Variants in NRG1 observed in about 807,000 individuals in gnomAD.
NRG1 encodes pro-neuregulin-1, membrane-bound isoform.
In NRG1, 18 loss-of-function variants were observed where a neutral mutation model predicts 63.8. That is an observed-to-expected ratio of 0.28 (90% CI 0.19 to 0.42). The LOEUF (loss-of-function observed/expected upper bound fraction) is 0.42. NRG1 is among the 10% of genes least tolerant of loss of function. The pLI, the probability that NRG1 is intolerant of heterozygous loss-of-function variation, is 1.00. For synonymous variants in NRG1, 302 were observed against 301.3 expected (o/e 1.00, Z -0.02); for missense variants, 762 against 814.7 (o/e 0.94, Z 0.79).
At chr8:32,502,159 AG>A (rs1489894846) in intron 1 of NRG1, among the ~76,000 whole-genome samples, 2 of 152,024 alleles carry the variant, frequency 1.3e-5, no homozygotes, top group Non-Finnish European at 2.9e-5. Flanking sequence ...GCTTCTTGGG[AG>A]GCATCGGGAA....
chr8:31,979,446 G>A (rs327422), intron 1 of NRG1, among the ~76,000 whole-genome samples: 3,900 of 151,982 alleles, frequency 0.026, 164 homozygotes, highest in African/African-American at 0.089. Context: ...TGTCTGCCTC[G>A]TCAAATTCTT....
chr8:31,845,706 T>C (rs1771329451), intron 1 of NRG1, among the ~76,000 whole-genome samples: 2 of 152,202 alleles, frequency 1.3e-5, no homozygotes, highest in Admixed American at 6.5e-5. Context: ...GAGGGCAAGT[T>C]AGCATGTGTT....
At position 32,685,867 on chromosome 8, in the gene NRG1, G is replaced by A. The variant is rs114139632; in HGVS notation, c.503-42082G>A. ...CCACAGAAATGGAATCTTCCAGCTT[G>A]AGAACCTGAAGAAAGTGACTCACAC... is the stretch of plus-strand genomic sequence containing the variant. On this transcript the variant is annotated intron_variant, in intron 5 of 11. Transcript: ENST00000356819. Among the ~76,000 whole-genome samples, 770 of 152,296 alleles carry A rather than the reference G, an allele frequency of 5.1e-3. 5 individuals carry two copies. The highest frequency in any genetic ancestry group is 0.018 in the African/African-American group (745 of 41,562).
rs199700393 is a variant in NRG1, at chr8:32,258,140, CT to C, written c.38-337686del. Among the ~76,000 whole-genome samples the C allele has an allele frequency of 7.3e-3, 1,116 of 152,236 alleles. 12 individuals carry two copies. Among genetic ancestry groups the C allele is most frequent in the Non-Finnish European group, 0.01 (710 of 68,000 alleles). On this transcript the variant is annotated intron_variant, in intron 1 of 10. Transcript: ENST00000519301. ...TTAAGACACAAAGCCAAATTTTCAC[CT>C]TCATTTATGCACACTCATCTCCTGA...
At position 32,415,439 on chromosome 8, in the gene NRG1, G is replaced by A. The variant is rs117155272; in HGVS notation, c.38-180389G>A. 6.6e-3 allele frequency among the ~76,000 whole-genome samples: 981 copies of A among 149,738 alleles called. 7 individuals are homozygous for A. The highest frequency in any genetic ancestry group is 0.018 in the African/African-American group (752 of 40,804). On this transcript the variant is annotated intron_variant, in intron 1 of 10. Coordinates refer to the NRG1 transcript ENST00000519301. The stretch of plus-strand genomic sequence containing the variant: ...AAGAGTTTGCAAAAAAAAAAAATGC[G>A]GCAATCACAATACATTTATGTCTAT...
intron 1 of NRG1, among the ~76,000 whole-genome samples, chr8:32,232,833 T>C (rs1200197610): frequency 2.0e-5 from 3 of 152,180 alleles, no homozygotes; most frequent in Non-Finnish European, 4.4e-5. Flanking sequence ...TCTTCTGTAC[T>C]TTTTTCCCCA....
intron 1 of NRG1, among the ~76,000 whole-genome samples, chr8:31,957,014 G>GA (rs796922550): frequency 6.6e-6 from 1 of 151,222 alleles, no homozygotes; most frequent in Admixed American, 6.6e-5. Context: ...AATAGAGGGG[G>GA]AAAAAAAACC....
chr8:32,394,122 G>A (rs183977867), intron 1 of NRG1, among the ~76,000 whole-genome samples: 41 of 152,156 alleles, frequency 2.7e-4, no homozygotes, highest in African/African-American at 9.4e-4. Flanking sequence ...AACACAGTGA[G>A]CACTTAATAG....
chr8:32,145,808 G>A (rs980116124), intron 1 of NRG1, among the ~76,000 whole-genome samples: 3 of 152,286 alleles, frequency 2.0e-5, no homozygotes, highest in Admixed American at 2.0e-4. Flanking sequence ...TGTGTTTTCT[G>A]ATGCCCTGTT....
At chr8:32,252,058 T>G (rs1849178235) in intron 1 of NRG1, among the ~76,000 whole-genome samples, 1 of 152,216 alleles carries the variant, frequency 6.6e-6, no homozygotes, top group Non-Finnish European at 1.5e-5. Flanking sequence ...TTTTTTCTTG[T>G]AAATTTGTTT....
chr8:31,639,529 T>G, intron 1 of NRG1: 2 of 1,492,524 alleles, frequency 1.3e-6, no homozygotes, highest in Non-Finnish European at 1.8e-6. Flanking sequence ...TCCCTCGCGC[T>G]CTCTCCCAGC....
At chr8:31,994,801 T>TA (rs201819090) in intron 1 of NRG1, among the ~76,000 whole-genome samples, 1,632 of 151,566 alleles carry the variant, frequency 0.011, 4 homozygotes, top group Non-Finnish European at 0.016. Context: ...TTCTTTTGGG[T>TA]AAAAAAAATG....
At chr8:32,620,725 G>A (rs1848196328) in intron 5 of NRG1, among the ~76,000 whole-genome samples, 1 of 151,956 alleles carries the variant, frequency 6.6e-6, no homozygotes, top group African/African-American at 2.4e-5. Context: ...GGGAGGCTGA[G>A]GTGGGAGGAT....
intron 1 of NRG1, among the ~76,000 whole-genome samples, chr8:32,306,472 G>A (rs1856194748): frequency 6.6e-6 from 1 of 152,148 alleles, no homozygotes; most frequent in South Asian, 2.1e-4. Context: ...TACCAGCTGG[G>A]TATCAACTGC....
intron 1 of NRG1, among the ~76,000 whole-genome samples, chr8:32,331,322 C>T (rs1802619697): frequency 6.9e-6 from 1 of 145,384 alleles, no homozygotes; most frequent in Non-Finnish European, 1.5e-5. Context: ...AGTTCCAGAC[C>T]AGCCTGGGCA....
At chr8:31,718,940 T>C (rs1235383670) in intron 1 of NRG1, among the ~76,000 whole-genome samples, 1 of 152,206 alleles carries the variant, frequency 6.6e-6, no homozygotes, top group Non-Finnish European at 1.5e-5. Context: ...TGTATGTATG[T>C]ATATGTGTAT....
chr8:31,750,063 G>C (rs1816297534), intron 1 of NRG1, among the ~76,000 whole-genome samples: 1 of 151,762 alleles, frequency 6.6e-6, no homozygotes, highest in African/African-American at 2.4e-5. Context: ...TTTCTTTCCT[G>C]AAGGTCAACC....
At chr8:32,177,614 A>G (rs997300392) in intron 1 of NRG1, among the ~76,000 whole-genome samples, 14 of 151,108 alleles carry the variant, frequency 9.3e-5, no homozygotes, top group Admixed American at 2.0e-4. Flanking sequence ...TCATTGTTCA[A>G]CTCCCACTTA....
chr8:32,262,646 C>T (rs927848652), intron 1 of NRG1, among the ~76,000 whole-genome samples: 38 of 152,162 alleles, frequency 2.5e-4, no homozygotes, highest in African/African-American at 9.2e-4. Flanking sequence ...AGTTTATTAC[C>T]TTAAGTTTAA....
Sources: allele counts gnomAD v4.1 joint callset (sites outside exome capture counted in the v4.1 genomes callset), GRCh38; gene constraint gnomAD v4.1.1; transcripts MANE v1.5; gene names NCBI Gene and HGNC (gene_info 2026-07-23, HGNC 2026-07-21).